The following ARID1B variants were observed in gnomAD, a reference collection of about 807,000 sequenced individuals.
ARID1B encodes AT-rich interactive domain-containing protein 1B.
In ARID1B, 30 loss-of-function variants were observed where a neutral mutation model predicts 212.3. The ratio of observed to expected loss-of-function variants is 0.14; its 90% CI spans 0.11 to 0.19. ARID1B has a LOEUF of 0.19. Among genes scored for constraint, ARID1B ranks in the 10% least tolerant of loss-of-function variants. ARID1B has a pLI of 1.00. For missense variants in ARID1B, 2,891 were observed against 3,204.0 expected, an observed-to-expected ratio of 0.90 and a Z score of 2.36; for synonymous variants, 1,402 against 1,301.7, an observed-to-expected ratio of 1.08 and a Z score of -1.66.
chr6:157,156,117 A>G (rs922710648), intron 8 of ARID1B, among the ~76,000 whole-genome samples: 5 of 152,280 alleles, frequency 3.3e-5, no homozygotes, highest in Middle Eastern at 3.4e-3. Flanking sequence ...GGGGCAAAAA[A>G]CTTCGAAATG....
At chr6:157,104,740 A>T (rs1394587886) in intron 5 of ARID1B, among the ~76,000 whole-genome samples, 2 of 152,252 alleles carry the variant, frequency 1.3e-5, no homozygotes, top group African/African-American at 4.8e-5. Context: ...AGAAGACTTA[A>T]GCAAATGAAA....
At chr6:156,950,793 A>G (rs961003809) in intron 4 of ARID1B, among the ~76,000 whole-genome samples, 1 of 152,164 alleles carries the variant, frequency 6.6e-6, no homozygotes, top group Non-Finnish European at 1.5e-5. Flanking sequence ...TTTCCCCAAC[A>G]TTTTTATTGA....
chr6:156,813,914 C>T (rs1781787177), intron 1 of ARID1B, among the ~76,000 whole-genome samples: 1 of 152,126 alleles, frequency 6.6e-6, no homozygotes. Flanking sequence ...CCTCCAGACC[C>T]CATCTCAAGG....
chr6:156,794,289 G>A (rs1169779097), intron 1 of ARID1B, among the ~76,000 whole-genome samples: 1 of 150,732 alleles, frequency 6.6e-6, no homozygotes, highest in African/African-American at 2.4e-5. Context: ...TTGCTCTGTC[G>A]CTCAGCCTAG....
chr6:157,011,212 C>T (rs1779586011), intron 4 of ARID1B, among the ~76,000 whole-genome samples: 1 of 152,138 alleles, frequency 6.6e-6, no homozygotes, highest in South Asian at 2.1e-4. Context: ...GTCATTAAAG[C>T]ATGTATATAT....
intron 4 of ARID1B, among the ~76,000 whole-genome samples, chr6:157,050,596 C>A (rs1782536614): frequency 6.6e-6 from 1 of 152,084 alleles, no homozygotes. Flanking sequence ...AGAAGAAATC[C>A]TGAGTTTTAT....
intron 1 of ARID1B, among the ~76,000 whole-genome samples, chr6:156,823,685 G>GTTT (rs1471010222): frequency 3.8e-5 from 3 of 78,208 alleles, no homozygotes; most frequent in Admixed American, 1.1e-4. Context: ...GGTTTTCTTT[G>GTTT]TTGTTTTTTT....
chr6:156,834,770 G>A (rs763011106), intron 2 of ARID1B, among the ~76,000 whole-genome samples: 6 of 152,234 alleles, frequency 3.9e-5, no homozygotes, highest in Non-Finnish European at 8.8e-5. Context: ...ATGGCCTTTC[G>A]TTGGCCACAT....
chr6:156,875,742 C>T (rs1786494099), intron 2 of ARID1B, among the ~76,000 whole-genome samples: 1 of 152,102 alleles, frequency 6.6e-6, no homozygotes, highest in Non-Finnish European at 1.5e-5. Flanking sequence ...TTTTCTTTGT[C>T]TTAATAAAAG....
At chr6:157,151,127 C>A (rs1055461082) in intron 8 of ARID1B, 1 of 152,852 alleles carries the variant, frequency 6.5e-6, no homozygotes, top group African/African-American at 2.4e-5. Flanking sequence ...TGGCTGCTTT[C>A]CTTCATGCCT....
intron 4 of ARID1B, among the ~76,000 whole-genome samples, chr6:157,049,979 A>G (rs887520072): frequency 1.3e-5 from 2 of 152,188 alleles, no homozygotes; most frequent in Non-Finnish European, 2.9e-5. Context: ...GAATGCTGCT[A>G]CAGTCCAAGA....
intron 11 of ARID1B, among the ~76,000 whole-genome samples, chr6:157,176,570 G>A (rs566082946): frequency 1.3e-5 from 2 of 152,342 alleles, no homozygotes; most frequent in South Asian, 4.1e-4. Flanking sequence ...TAAGGGCCGG[G>A]TGCGGTGGCT....
intron 4 of ARID1B, among the ~76,000 whole-genome samples, chr6:157,010,435 G>A (rs1779525643): frequency 6.6e-6 from 1 of 151,866 alleles, no homozygotes; most frequent in African/African-American, 2.4e-5. Flanking sequence ...CGATTCTTCT[G>A]CCTCAGCCTC....
intron 5 of ARID1B, among the ~76,000 whole-genome samples, chr6:157,103,657 T>C (rs868485286): frequency 3.3e-5 from 5 of 152,166 alleles, no homozygotes; most frequent in South Asian, 2.1e-4. Context: ...TTGGTACTTA[T>C]CTTGATTTAG....
intron 4 of ARID1B, among the ~76,000 whole-genome samples, chr6:156,960,073 G>A (rs1211605939): frequency 6.6e-6 from 1 of 152,012 alleles, no homozygotes; most frequent in East Asian, 1.9e-4. Context: ...TGGGATTACA[G>A]GCACGCACCA....
Position 157,094,849 on chromosome 6 carries a change from A to C in ARID1B, c.2491+9944A>C, listed in dbSNP as rs1333145269. ...TGTTGATGGCCGCTTGGATGTGCAC[A>C]TAGCGGGAGTAGTGGCAGAAGGAGT... On this transcript the variant is annotated intron_variant, in intron 5 of 19. Transcript: ENST00000636930. This position sits in a 1 kb window ranked among gnomAD's most constrained non-coding sequence, Gnocchi z 4.3. 6.6e-6 allele frequency among the ~76,000 whole-genome samples: 1 copy of C among 152,192 alleles called. No individual in the cohort carries two copies. The highest frequency in any genetic ancestry group is 1.5e-5 in the Non-Finnish European group (1 of 68,044).
Position 157,148,165 on chromosome 6 carries a change from A to C in ARID1B, c.2762-459A>C, listed in dbSNP as rs1264712729. On this transcript the variant is annotated intron_variant, in intron 7 of 19. Transcript: ENST00000636930. The surrounding 1 kb of genome is among the most constrained non-coding windows in gnomAD (Gnocchi z 5.6). ...AAAGGATGATTTTGACCATATGTGCATGTCGTCTTACACGTTGTCTTTTTG... is the reference window on the plus strand; with the variant it reads ...AAAGGATGATTTTGACCATATGTGCCTGTCGTCTTACACGTTGTCTTTTTG... Among the ~76,000 whole-genome samples, 1 of 152,082 alleles carries C rather than the reference A, an allele frequency of 6.6e-6. No individual in the cohort carries two copies. The highest frequency in any genetic ancestry group is 1.5e-5 in the Non-Finnish European group (1 of 68,020).
intron 4 of ARID1B, among the ~76,000 whole-genome samples, chr6:157,027,407 G>A (rs758904731): frequency 2.2e-4 from 34 of 152,182 alleles, no homozygotes; most frequent in South Asian, 8.3e-4. Flanking sequence ...GTCTTTGGTC[G>A]TAACCACTAT....
intron 2 of ARID1B, among the ~76,000 whole-genome samples, chr6:156,830,067 T>C (rs955425551): frequency 1.3e-5 from 2 of 151,984 alleles, no homozygotes; most frequent in African/African-American, 4.8e-5. Context: ...TCAAATGGAG[T>C]CACCTTAGAT....
Sources: allele counts gnomAD v4.1 joint callset (sites outside exome capture counted in the v4.1 genomes callset), GRCh38; gene constraint gnomAD v4.1.1; non-coding constraint Gnocchi (gnomAD v3.1); transcripts MANE v1.5; gene names NCBI Gene and HGNC (gene_info 2026-07-23, HGNC 2026-07-21).